The following TTC3 variants were observed in gnomAD, a reference collection of about 807,000 sequenced individuals.
The protein encoded by TTC3 is tetratricopeptide repeat domain 3, also known as E3 ubiquitin-protein ligase TTC3.
TTC3 carries 180 observed loss-of-function variants against 249.6 expected under a neutral mutation model. The observed-to-expected ratio is 0.72, with a 90% CI of 0.64 to 0.82. The LOEUF (loss-of-function observed/expected upper bound fraction) is 0.82. Ranked by LOEUF, TTC3 falls within the 40% of genes least tolerant of loss-of-function variation. TTC3 has a pLI of 0.00. For synonymous variants in TTC3, 717 were observed against 805.0 expected (o/e 0.89, Z 1.85); for missense variants, 2,061 against 2,398.4 (o/e 0.86, Z 2.94).
intron 34 of TTC3, among the ~76,000 whole-genome samples, chr21:37,168,785 G>A (rs954453892): frequency 3.9e-5 from 6 of 151,976 alleles, no homozygotes; most frequent in Admixed American, 1.3e-4. Context: ...TCACAATTTC[G>A]CTAAGTCAGG....
intron 7 of TTC3, among the ~76,000 whole-genome samples, chr21:37,093,711 C>T (rs923659756): frequency 3.9e-5 from 6 of 151,934 alleles, no homozygotes; most frequent in Non-Finnish European, 5.9e-5. Context: ...ATTGTAAATA[C>T]AATTACAACT....
intron 34 of TTC3, among the ~76,000 whole-genome samples, chr21:37,169,730 C>A (rs574319765): frequency 6.6e-6 from 1 of 151,384 alleles, no homozygotes; most frequent in Non-Finnish European, 1.5e-5. Flanking sequence ...CACCTGTAAC[C>A]CCAGCTACTT....
At chr21:37,185,007 G>A (rs1159125769) in intron 36 of TTC3, among the ~76,000 whole-genome samples, 1 of 152,142 alleles carries the variant, frequency 6.6e-6, no homozygotes, top group African/African-American at 2.4e-5. Flanking sequence ...AAGAAGGCAG[G>A]GCTTCCATGA....
At chr21:37,073,278 G>A (rs926242691) in exon 1 of TTC3, 3 of 227,616 alleles carry the variant, frequency 1.3e-5, no homozygotes, top group South Asian at 2.8e-4. Context: ...GCCGTCGGCT[G>A]ACGTGGAGGG....
At chr21:37,079,500 A>T (rs993418360) in intron 1 of TTC3, among the ~76,000 whole-genome samples, 1 of 117,930 alleles carries the variant, frequency 8.5e-6, no homozygotes, top group African/African-American at 3.4e-5. Context: ...TTGTCCTTTC[A>T]TCAAGTTTAT....
intron 22 of TTC3, among the ~76,000 whole-genome samples, chr21:37,148,137 C>T (rs1193647180): frequency 6.6e-6 from 1 of 152,140 alleles, no homozygotes; most frequent in Non-Finnish European, 1.5e-5. Context: ...CATTCTTTTT[C>T]CTCTTCAAGC....
At chr21:37,198,339 G>T (rs2148245437) in intron 44 of TTC3, among the ~76,000 whole-genome samples, 1 of 152,330 alleles carries the variant, frequency 6.6e-6, no homozygotes, top group Non-Finnish European at 1.5e-5. Flanking sequence ...TCAAGTACAT[G>T]AACTTTGTAC....
intron 1 of TTC3, among the ~76,000 whole-genome samples, chr21:37,079,510 T>G (rs1601207994): frequency 7.3e-6 from 1 of 137,174 alleles, no homozygotes. Flanking sequence ...ATCAAGTTTA[T>G]GGTATGGTTT....
exon 37 of TTC3, chr21:37,185,718 A>G: frequency 6.4e-7 from 1 of 1,551,644 alleles, no homozygotes; most frequent in South Asian, 1.3e-5. Flanking sequence ...ATACCCAGAA[A>G]AATGATGGAA....
intron 39 of TTC3, among the ~76,000 whole-genome samples, chr21:37,190,661 A>C (rs548772269): frequency 6.6e-6 from 1 of 152,288 alleles, no homozygotes; most frequent in South Asian, 2.1e-4. Flanking sequence ...TAAACGGTAG[A>C]GTATACAAAG....
intron 39 of TTC3, among the ~76,000 whole-genome samples, chr21:37,190,906 T>C (rs1475835612): frequency 6.6e-6 from 1 of 152,220 alleles, no homozygotes; most frequent in African/African-American, 2.4e-5. Flanking sequence ...AGATTATAAA[T>C]TTATCTTAGG....
intron 17 of TTC3, among the ~76,000 whole-genome samples, chr21:37,134,098 G>A (rs868479516): frequency 2.6e-5 from 4 of 152,054 alleles, no homozygotes; most frequent in Admixed American, 6.6e-5. Context: ...TTTTCTGAAA[G>A]CTGCTCTTTT....
chr21:37,199,614 T>C (rs966526519), intron 44 of TTC3, among the ~76,000 whole-genome samples: 1 of 152,246 alleles, frequency 6.6e-6, no homozygotes, highest in African/African-American at 2.4e-5. Flanking sequence ...AAGTAATCCA[T>C]GCTCATAGAA....
At chr21:37,099,341 C>G (rs886396422) in intron 10 of TTC3, among the ~76,000 whole-genome samples, 12 of 152,160 alleles carry the variant, frequency 7.9e-5, no homozygotes, top group African/African-American at 2.9e-4. Flanking sequence ...GTAGGTGCTA[C>G]TGCCTTTTTA....
intron 11 of TTC3, among the ~76,000 whole-genome samples, chr21:37,115,174 T>TA (rs2076026628): frequency 2.5e-4 from 36 of 144,500 alleles, no homozygotes; most frequent in Non-Finnish European, 7.5e-5. Flanking sequence ...AAACTTAAAG[T>TA]ATAATAATAA....
chr21:37,080,983 C>T (rs2071558591), intron 1 of TTC3, among the ~76,000 whole-genome samples: 1 of 151,692 alleles, frequency 6.6e-6, no homozygotes, highest in African/African-American at 2.4e-5. Flanking sequence ...TTTTATTTTA[C>T]CTTTGTTCTT....
chr21:37,193,586 C>G (rs187672345), intron 41 of TTC3, among the ~76,000 whole-genome samples: 1 of 152,178 alleles, frequency 6.6e-6, no homozygotes, highest in African/African-American at 2.4e-5. Flanking sequence ...GTAATCCTAG[C>G]TTATGTTATT....
At chr21:37,140,861 G>T (rs1359009385) in intron 20 of TTC3, among the ~76,000 whole-genome samples, 188 bp downstream of exon 20, 1 of 152,136 alleles carries the variant, frequency 6.6e-6, no homozygotes, top group Non-Finnish European at 1.5e-5. Flanking sequence ...AGTCATTGCA[G>T]TTCTTGGTAC....
At chr21:37,121,557 T>C (rs968470254) in intron 11 of TTC3, among the ~76,000 whole-genome samples, 2 of 152,220 alleles carry the variant, frequency 1.3e-5, no homozygotes, top group African/African-American at 4.8e-5. Flanking sequence ...TGAACTCTGC[T>C]GGGGGTACAG....
Sources: gnomAD v4.1 joint callset for allele counts (sites outside exome capture counted in the v4.1 genomes callset) on GRCh38, gnomAD v4.1.1 for gene constraint, MANE v1.5 for transcripts, NCBI Gene and HGNC (gene_info 2026-07-23, HGNC 2026-07-21) for gene names.